Variants in FOCAD observed in about 807,000 individuals in gnomAD.
FOCAD encodes the protein KIAA1797.
A neutral mutation model predicts 225.6 loss-of-function variants in FOCAD; 198 were observed. The ratio of observed to expected loss-of-function variants is 0.88; its 90% CI spans 0.78 to 0.99. FOCAD has a LOEUF of 0.99. Ranked by LOEUF, FOCAD falls within the 50% of genes least tolerant of loss-of-function variation. FOCAD has a pLI of 0.00. For missense variants in FOCAD, 2,713 were observed against 2,123.6 expected (o/e 1.28, Z -5.46); for synonymous variants, 897 against 755.0 (o/e 1.19, Z -3.08).
At chr9:20,716,995 G>A (rs1319354942) in intron 2 of FOCAD, among the ~76,000 whole-genome samples, 1 of 152,114 alleles carries the variant, frequency 6.6e-6, no homozygotes, top group Admixed American at 6.6e-5. Flanking sequence ...AATGAAATAT[G>A]GTATGTTTTG....
chr9:20,916,793 T>C (rs996820971), intron 23 of FOCAD, 100 bp from the exon 24 acceptor site: 13 of 1,042,852 alleles, frequency 1.2e-5, no homozygotes, highest in African/African-American at 6.6e-5. Context: ...TTTTAAGATC[T>C]GGAGCCATTG....
chr9:20,675,715 T>G (rs1474190273), intron 2 of FOCAD, among the ~76,000 whole-genome samples: 1 of 152,194 alleles, frequency 6.6e-6, no homozygotes, highest in Non-Finnish European at 1.5e-5. Context: ...TGAAAAAATT[T>G]TTTCCCAAGA....
chr9:20,760,793 A>G (rs1476454746), intron 6 of FOCAD, among the ~76,000 whole-genome samples: 1 of 152,100 alleles, frequency 6.6e-6, no homozygotes, highest in African/African-American at 2.4e-5. Flanking sequence ...TGCTTGGCAC[A>G]TTTCTAGGTG....
intron 4 of FOCAD, among the ~76,000 whole-genome samples, chr9:20,721,520 G>C (rs371183833): frequency 3.3e-5 from 5 of 152,098 alleles, no homozygotes; most frequent in African/African-American, 1.2e-4. Context: ...TGGCCAACAT[G>C]ATGAGACTGT....
chr9:20,680,677 A>G (rs1445217279), upstream of FOCAD, among the ~76,000 whole-genome samples: 1 of 152,164 alleles, frequency 6.6e-6, no homozygotes, highest in Non-Finnish European at 1.5e-5. Context: ...CTTCTAAAAC[A>G]TATTAGCAGC....
intron 27 of FOCAD, among the ~76,000 whole-genome samples, chr9:20,930,940 A>C (rs974546601): frequency 6.6e-6 from 1 of 152,182 alleles, no homozygotes; most frequent in African/African-American, 2.4e-5. Context: ...TACAAATGAC[A>C]GTCTCTCCAC....
Position 20,881,963 on chromosome 9 carries a change from T to C in FOCAD, c.2410T>C (p.Ser804Pro), listed in dbSNP as rs751498677. The C allele has an allele frequency of 6.2e-7, 1 of 1,613,972 alleles. No homozygotes were observed. Among genetic ancestry groups the C allele is most frequent in the East Asian group, 2.2e-5 (1 of 44,876 alleles). Residue 804 changes from serine (S) to proline (P), a missense_variant, in exon 20 of 44, where the codon TCA (serine) becomes CCA (proline). Transcript: ENST00000338382. ...YHSALKGGAR[S>P]DQGKTVAGIP... ...CTCTGCATTAAAAGGAGGTGCCCGCTCAGACCAAGGAAAGACTGTAGCAGG... is the reference window on the plus strand; with the variant it reads ...CTCTGCATTAAAAGGAGGTGCCCGCCCAGACCAAGGAAAGACTGTAGCAGG...
chr9:20,823,327 A>G (rs1824527666), intron 15 of FOCAD, among the ~76,000 whole-genome samples: 1 of 152,084 alleles, frequency 6.6e-6, no homozygotes, highest in South Asian at 2.1e-4. Context: ...TTCTCTAGAG[A>G]TCAAAGAAAA....
In FOCAD at chr9:20,717,854, C is replaced by A. The variant is rs1407227991; in HGVS notation, c.118C>A (p.Gln40Lys). 1.2e-5 allele frequency: 20 copies of A among 1,611,936 alleles called. No individual in the cohort carries two copies. Among genetic ancestry groups the A allele is most frequent in the Non-Finnish European group, 1.6e-5 (19 of 1,178,832 alleles). The part of the protein sequence containing the change: ...KENGFSEKIH[Q>K]STNQTPALNL... ...AAATGGTTTTTCAGAAAAGATTCAC[C>A]AATCTACAAATCAGGTCTGTGTTTA... The change falls in exon 3 of 44, where the codon CAA becomes AAA. Residue 40 changes from glutamine to lysine, a missense_variant. By Grantham distance (53) the Gln-to-Lys change is moderately conservative. Transcript: ENST00000338382.
Position 20,784,854 on chromosome 9 carries a change from G to A in FOCAD, c.1197+2925G>A, listed in dbSNP as rs570862870. 3.3e-5 allele frequency among the ~76,000 whole-genome samples: 5 copies of A among 152,180 alleles called. No homozygotes were observed. In the South Asian group the frequency reaches 1.0e-3, roughly 32 times the overall value. ...AAGTTAACATTTATTGAACATGTGT[G>A]ATATGCCAGGAGTTATTATGTGGGC... On this transcript the variant is annotated intron_variant, in intron 10 of 43. Transcript: ENST00000338382.
intron 5 of FOCAD, among the ~76,000 whole-genome samples, chr9:20,749,282 C>G (rs1353759766): frequency 6.6e-6 from 1 of 152,024 alleles, no homozygotes; most frequent in East Asian, 1.9e-4. Flanking sequence ...CTTATAGACT[C>G]AAAGAAAAGG....
rs79010089 is a variant in FOCAD, at chr9:20,687,677, G to A, written c.-33+3384G>A. Among the ~76,000 whole-genome samples, 22 of 152,274 alleles carry A rather than the reference G, an allele frequency of 1.4e-4. No individual in the cohort carries two copies. In the East Asian group the frequency reaches 3.7e-3, roughly 25 times the overall value. On this transcript the variant is annotated intron_variant, in intron 1 of 43. Transcript: ENST00000338382. ...TAAATGTGATTTTTAAAGACTCATA[G>A]TTATTAAAGGTATTGTATTCATTAT...
chr9:20,973,763 C>T (rs2132561973), intron 35 of FOCAD, among the ~76,000 whole-genome samples: 1 of 147,504 alleles, frequency 6.8e-6, no homozygotes, highest in South Asian at 2.2e-4. Context: ...CTATGTTTCT[C>T]CTTTCTGCAG....
intron 1 of FOCAD, among the ~76,000 whole-genome samples, chr9:20,690,444 T>C (rs1445003145): frequency 1.3e-5 from 2 of 152,226 alleles, no homozygotes; most frequent in East Asian, 3.8e-4. Context: ...TTTCTTTCCT[T>C]CTATTCTTTC....
chr9:20,658,063 G>GT (rs992795224), upstream of FOCAD, among the ~76,000 whole-genome samples: 5 of 144,710 alleles, frequency 3.5e-5, no homozygotes, highest in East Asian at 2.1e-4. Flanking sequence ...TGCCCCTGCT[G>GT]GGGGGTGCCT....
At chr9:20,697,282 G>A (rs1021448195) in intron 1 of FOCAD, among the ~76,000 whole-genome samples, 2 of 151,624 alleles carry the variant, frequency 1.3e-5, no homozygotes, top group South Asian at 2.1e-4. Context: ...TTCTATCCTT[G>A]CCCTCTTATG....
intron 19 of FOCAD, among the ~76,000 whole-genome samples, chr9:20,880,042 T>A (rs1830540189): frequency 6.6e-6 from 1 of 152,230 alleles, no homozygotes. Flanking sequence ...TATACCCACT[T>A]TGAAGCAGTC....
chr9:20,961,941 A>G (rs1183304118), intron 35 of FOCAD, among the ~76,000 whole-genome samples: 3 of 152,174 alleles, frequency 2.0e-5, no homozygotes, highest in African/African-American at 7.2e-5. Flanking sequence ...TGTCTGTCTG[A>G]TGTATCAGAA....
At chr9:20,753,050 A>G (rs1250361813) in intron 5 of FOCAD, among the ~76,000 whole-genome samples, 1 of 151,954 alleles carries the variant, frequency 6.6e-6, no homozygotes, top group East Asian at 1.9e-4. Context: ...CAGCTTAAGG[A>G]GATTTTGGGC....
Sources: gnomAD v4.1 joint callset for allele counts (sites outside exome capture counted in the v4.1 genomes callset) on GRCh38, gnomAD v4.1.1 for gene constraint, MANE v1.5 for transcripts, NCBI Gene and HGNC (gene_info 2026-07-23, HGNC 2026-07-21) for gene names.